Variants in FUT8 observed in about 807,000 individuals in gnomAD.
FUT8 encodes the protein fucosyltransferase 8.
A neutral mutation model predicts 71.3 loss-of-function variants in FUT8; 29 were observed. The ratio of observed to expected loss-of-function variants is 0.41; its 90% confidence interval spans 0.30 to 0.55. The LOEUF (loss-of-function observed/expected upper bound fraction) is 0.55, where lower values mean the gene tolerates loss of function less well. FUT8 is among the 20% of genes least tolerant of loss of function. FUT8 has a pLI of 0.34. For missense variants in FUT8, 544 were observed against 702.1 expected (o/e 0.77, Z 2.55); for synonymous variants, 254 against 239.3 (o/e 1.06, Z -0.57).
chr14:65,641,067 T>C (rs1369469155), intron 6 of FUT8, among the ~76,000 whole-genome samples: 2 of 152,172 alleles, frequency 1.3e-5, no homozygotes, highest in Non-Finnish European at 1.5e-5. Flanking sequence ...ATACAATTTG[T>C]TAAGTTTTGA....
At chr14:65,457,433 C>T (rs1295663660) in intron 2 of FUT8, among the ~76,000 whole-genome samples, 4 of 151,962 alleles carry the variant, frequency 2.6e-5, no homozygotes, top group African/African-American at 9.7e-5. Flanking sequence ...GTGGTGTTCC[C>T]TGATTTTGGA....
At chr14:65,653,234 A>G (rs1249919652) in intron 6 of FUT8, among the ~76,000 whole-genome samples, 3 of 152,076 alleles carry the variant, frequency 2.0e-5, no homozygotes, top group Non-Finnish European at 4.4e-5. Context: ...CTATTTATTT[A>G]TTTATTAGTT....
intron 3 of FUT8, among the ~76,000 whole-genome samples, chr14:65,602,343 T>TCACA (rs1163052408): frequency 0.011 from 514 of 48,416 alleles, 5 homozygotes; most frequent in African/African-American, 0.015. Context: ...GTTCCATCTC[T>TCACA]CACACACACA....
chr14:65,426,448 A>AC (rs2065389590), intron 1 of FUT8, among the ~76,000 whole-genome samples: 1 of 152,116 alleles, frequency 6.6e-6, no homozygotes, highest in Non-Finnish European at 1.5e-5. Flanking sequence ...AAGGAAACAG[A>AC]CCCAAAGATA....
At chr14:65,458,352 T>C (rs530291626) in intron 2 of FUT8, among the ~76,000 whole-genome samples, 43 of 152,272 alleles carry the variant, frequency 2.8e-4, no homozygotes, top group African/African-American at 1.0e-3. Flanking sequence ...ATTAGAATTC[T>C]ATATTAAAAA....
At chr14:65,403,738 ATTTT>A in the FUT8 span, among the ~76,000 whole-genome samples, 18 of 143,150 alleles carry the variant, frequency 1.3e-4, no homozygotes, top group East Asian at 2.0e-4. Flanking sequence ...ATAGTGGTTA[ATTTT>A]TTTTTTTTTT....
intron 2 of FUT8, among the ~76,000 whole-genome samples, chr14:65,553,897 C>T (rs975488451): frequency 4.6e-5 from 7 of 151,464 alleles, no homozygotes; most frequent in East Asian, 1.9e-4. Context: ...TAATTTTGCC[C>T]TACTAGCAAT....
At chr14:65,738,110 A>G (rs999632443) in intron 10 of FUT8, among the ~76,000 whole-genome samples, 2 of 152,138 alleles carry the variant, frequency 1.3e-5, no homozygotes, top group Non-Finnish European at 2.9e-5. Context: ...CAGAGGCTCT[A>G]TCTAGCTTAC....
chr14:65,729,181 A>T (rs1895836224), intron 9 of FUT8, among the ~76,000 whole-genome samples: 1 of 151,304 alleles, frequency 6.6e-6, no homozygotes, highest in African/African-American at 2.4e-5. Flanking sequence ...ATGCAGCATC[A>T]TGCCCAGCTA....
intron 6 of FUT8, among the ~76,000 whole-genome samples, chr14:65,658,440 A>T (rs1891800705): frequency 6.6e-6 from 1 of 152,142 alleles, no homozygotes; most frequent in South Asian, 2.1e-4. Context: ...TGTATATCCT[A>T]GAGAAAACCC....
At chr14:65,724,360 G>C in intron 9 of FUT8, 37 bp downstream of exon 9, 1 of 1,287,296 alleles carries the variant, frequency 7.8e-7, no homozygotes, top group Non-Finnish European at 1.1e-6. Context: ...GAGTGGGGTT[G>C]TCTCTTTCAG....
intron 2 of FUT8, among the ~76,000 whole-genome samples, chr14:65,459,445 T>G (rs2065941193): frequency 6.6e-6 from 1 of 152,204 alleles, no homozygotes. Context: ...AAAATTGAGA[T>G]TCTGTCTTGT....
rs1888432223 is a variant in FUT8 at position 65,603,803 on chromosome 14, T to C, written c.204-12175T>C. The stretch of plus-strand genomic sequence containing the variant: ...AATGTAAGTGGTCTAAGTGCTCCAC[T>C]TAAAAGGTACAGAATTGCAGAATGG... On this transcript the variant is annotated intron_variant, in intron 3 of 10. Transcript: ENST00000673929. This position sits in a 1 kb window ranked among gnomAD's most constrained non-coding sequence, Gnocchi z 4.5. Among the ~76,000 whole-genome samples, 1 of 151,820 alleles carries C rather than the reference T, an allele frequency of 6.6e-6. No homozygotes were observed. Among genetic ancestry groups the C allele is most frequent in the Admixed American group, 6.6e-5 (1 of 15,198 alleles).
intron 5 of FUT8, among the ~76,000 whole-genome samples, chr14:65,618,010 C>CATATATATATATAT (rs149450437): frequency 2.3e-5 from 2 of 86,998 alleles, no homozygotes; most frequent in Non-Finnish European, 2.4e-5. Context: ...AAAATTAATT[C>CATATATATATATAT]ATATATATAT....
chr14:65,596,286 G>A (rs1887973521), intron 3 of FUT8, among the ~76,000 whole-genome samples: 1 of 152,118 alleles, frequency 6.6e-6, no homozygotes, highest in African/African-American at 2.4e-5. Flanking sequence ...ATATAGATTT[G>A]CTATAATAAA....
Position 65,556,349 on chromosome 14 carries a change from A to C in FUT8, c.-227-4988A>C, listed in dbSNP as rs528224815. On this transcript the variant is annotated intron_variant, in intron 2 of 10. Coordinates refer to ENST00000673929, the MANE Select transcript of FUT8 (RefSeq NM_001371533.1). ...TGCATTTCTAAGCTTGCTCACGTTC[A>C]CTGGTCATTGGCGGGATTCAACAAC... Among the ~76,000 whole-genome samples the C allele has an allele frequency of 6.6e-5, 10 of 152,190 alleles. No homozygotes were observed. In the South Asian group the frequency reaches 2.1e-3, roughly 32 times the overall value.
intron 3 of FUT8, among the ~76,000 whole-genome samples, chr14:65,604,110 A>G (rs1395086014): frequency 6.6e-6 from 1 of 151,774 alleles, no homozygotes; most frequent in Non-Finnish European, 1.5e-5. Context: ...TTATAAAACA[A>G]TTACTACCAA....
chr14:65,627,661 T>C lies in FUT8; in HGVS notation c.483-1831T>C, dbSNP rs930865302. ...GCACATGCTCATTTGAGGCTTTTTT[T>C]CCTTACCAGTTGAGTGTTCCTAGAG... On this transcript the variant is annotated intron_variant, in intron 5 of 10. Coordinates refer to ENST00000673929, the MANE Select transcript of FUT8 (RefSeq NM_001371533.1). This position sits in a 1 kb window ranked among gnomAD's most constrained non-coding sequence, Gnocchi z 4.0. Among the ~76,000 whole-genome samples the C allele has an allele frequency of 2.0e-5, 3 of 152,202 alleles. No homozygotes were observed. Among genetic ancestry groups the C allele is most frequent in the African/African-American group, 7.2e-5 (3 of 41,452 alleles).
chr14:65,359,866 C>T, the FUT8 span, among the ~76,000 whole-genome samples: 1 of 152,024 alleles, frequency 6.6e-6, no homozygotes, highest in Non-Finnish European at 1.5e-5. Context: ...TGCTCTATCA[C>T]CCAGGCTGGA....
Sources: allele counts gnomAD v4.1 joint callset (sites outside exome capture counted in the v4.1 genomes callset), GRCh38; gene constraint gnomAD v4.1.1; non-coding constraint Gnocchi (gnomAD v3.1); transcripts MANE v1.5; gene names NCBI Gene and HGNC (gene_info 2026-07-23, HGNC 2026-07-21).